SLC25A21: variants seen among roughly 807,000 people sequenced by gnomAD.
SLC25A21 encodes the protein solute carrier family 25 member 21.
SLC25A21 carries 47 observed loss-of-function variants against 43.8 expected under a neutral mutation model. The observed-to-expected ratio is 1.07, with a 90% CI of 0.85 to 1.37. SLC25A21 has a LOEUF of 1.37. Ranked by LOEUF, SLC25A21 falls within the 40% of genes most tolerant of loss-of-function variation. SLC25A21 has a pLI of 0.00. For synonymous variants in SLC25A21, 131 were observed against 121.3 expected (o/e 1.08, Z -0.52); for missense variants, 352 against 350.2 (o/e 1.00, Z -0.04).
intron 1 of SLC25A21, among the ~76,000 whole-genome samples, chr14:36,922,971 C>T (rs902135222): frequency 4.6e-5 from 7 of 152,028 alleles, no homozygotes; most frequent in East Asian, 1.9e-4. Flanking sequence ...GAAAGCACGA[C>T]GCAGACCCAG....
At chr14:36,924,249 C>A (rs1259846323) in intron 1 of SLC25A21, among the ~76,000 whole-genome samples, 3 of 152,054 alleles carry the variant, frequency 2.0e-5, no homozygotes, top group Non-Finnish European at 4.4e-5. Flanking sequence ...CAGCACTATT[C>A]ACAATAGCAA....
intron 1 of SLC25A21, among the ~76,000 whole-genome samples, chr14:37,069,685 AC>A (rs1380870718): frequency 3.9e-5 from 6 of 152,252 alleles, no homozygotes; most frequent in Non-Finnish European, 8.8e-5. Flanking sequence ...AAAAATTACT[AC>A]AAAAATATTT....
chr14:36,852,224 T>A (rs1889762740), intron 2 of SLC25A21, among the ~76,000 whole-genome samples: 1 of 152,134 alleles, frequency 6.6e-6, no homozygotes, highest in Non-Finnish European at 1.5e-5. Context: ...ACCACCTACC[T>A]ACACAGAGAA....
At chr14:36,824,932 T>G (rs963824252) in intron 2 of SLC25A21, among the ~76,000 whole-genome samples, 1 of 152,032 alleles carries the variant, frequency 6.6e-6, no homozygotes, top group Non-Finnish European at 1.5e-5. Flanking sequence ...GAGAGAGATC[T>G]TCCCTTAGGG....
chr14:36,966,262 T>C (rs1021568089), intron 1 of SLC25A21, among the ~76,000 whole-genome samples: 1 of 152,252 alleles, frequency 6.6e-6, no homozygotes, highest in East Asian at 1.9e-4. Context: ...CCTAAAAAGG[T>C]GTGTTGTGGG....
chr14:36,807,719 T>C (rs966777219), intron 3 of SLC25A21, among the ~76,000 whole-genome samples: 1 of 152,074 alleles, frequency 6.6e-6, no homozygotes, highest in African/African-American at 2.4e-5. Context: ...CACCTTGGAG[T>C]CCACTGATAA....
intron 1 of SLC25A21, among the ~76,000 whole-genome samples, chr14:37,164,847 T>G (rs1281549682): frequency 6.6e-6 from 1 of 152,172 alleles, no homozygotes; most frequent in East Asian, 1.9e-4. Flanking sequence ...AAAAGCCTAT[T>G]CATTAATTCC....
chr14:37,172,275 C>T lies in SLC25A21; in HGVS notation c.70+6G>A, dbSNP rs1964146345. On this transcript the variant is annotated splice_donor_region_variant and intron_variant, in intron 1 of 9. Coordinates refer to ENST00000331299, the MANE Select transcript of SLC25A21 (RefSeq NM_030631.4). Reference sequence around the variant, plus strand: ...CCTCCGGCGGGGCAGGGCGGGCTGTCCTTACCTGCAGAACCACCGGCCACG... The same window carrying T: ...CCTCCGGCGGGGCAGGGCGGGCTGTTCTTACCTGCAGAACCACCGGCCACG... 6.3e-7 allele frequency: 1 copy of T among 1,591,820 alleles called. No individual in the cohort carries two copies. Among genetic ancestry groups the T allele is most frequent in the South Asian group, 1.1e-5 (1 of 87,498 alleles).
intron 1 of SLC25A21, among the ~76,000 whole-genome samples, chr14:37,027,218 G>A (rs1594758271): frequency 6.6e-6 from 1 of 151,584 alleles, no homozygotes; most frequent in East Asian, 1.9e-4. Flanking sequence ...GCATGTCAGA[G>A]ACTTCTAGGG....
chr14:36,898,252 C>G (rs962871635), intron 1 of SLC25A21, among the ~76,000 whole-genome samples: 2 of 152,346 alleles, frequency 1.3e-5, no homozygotes, highest in South Asian at 4.1e-4. Flanking sequence ...CCTCCCCCAG[C>G]CTCGCTGCCA....
At chr14:37,034,658 C>T (rs994259743) in intron 1 of SLC25A21, among the ~76,000 whole-genome samples, 2 of 152,184 alleles carry the variant, frequency 1.3e-5, no homozygotes, top group Admixed American at 1.3e-4. Context: ...CCGCGTGCAT[C>T]CACCAACTCA....
intron 1 of SLC25A21, among the ~76,000 whole-genome samples, chr14:36,998,502 G>A (rs1960420255): frequency 6.6e-6 from 1 of 152,070 alleles, no homozygotes; most frequent in African/African-American, 2.4e-5. Context: ...GAAAGGGGCT[G>A]GTGCCACTAA....
intron 6 of SLC25A21, among the ~76,000 whole-genome samples, chr14:36,719,556 G>A (rs1884292404): frequency 6.6e-6 from 1 of 152,170 alleles, no homozygotes; most frequent in Non-Finnish European, 1.5e-5. Flanking sequence ...TTAAATTACA[G>A]ACTGGTTTTC....
At chr14:37,158,677 T>G (rs1283016034) in intron 1 of SLC25A21, among the ~76,000 whole-genome samples, 1 of 152,088 alleles carries the variant, frequency 6.6e-6, no homozygotes, top group Non-Finnish European at 1.5e-5. Context: ...GAACACTGGT[T>G]CTGGATGCCC....
intron 3 of SLC25A21, among the ~76,000 whole-genome samples, chr14:36,791,358 C>T (rs770032765): frequency 2.0e-5 from 3 of 152,110 alleles, no homozygotes; most frequent in Non-Finnish European, 2.9e-5. Context: ...AACAAAAACA[C>T]CCTACCTGCT....
intron 1 of SLC25A21, among the ~76,000 whole-genome samples, chr14:36,886,320 C>A (rs1890910842): frequency 3.3e-5 from 5 of 152,150 alleles, no homozygotes; most frequent in Admixed American, 1.3e-4. Flanking sequence ...GCCAAATAGG[C>A]AACGTGATTT....
intron 3 of SLC25A21, among the ~76,000 whole-genome samples, chr14:36,808,477 G>A (rs761717434): frequency 3.3e-5 from 5 of 152,212 alleles, no homozygotes; most frequent in African/African-American, 7.2e-5. Flanking sequence ...GCTTTAAGTC[G>A]CTGTGTGATT....
At chr14:36,985,434 T>C (rs1245371970) in intron 1 of SLC25A21, among the ~76,000 whole-genome samples, 1 of 152,154 alleles carries the variant, frequency 6.6e-6, no homozygotes, top group African/African-American at 2.4e-5. Context: ...AAGAATCCAA[T>C]CTGAGCTCAC....
intron 1 of SLC25A21, among the ~76,000 whole-genome samples, chr14:37,121,363 C>T (rs549658970): frequency 9.9e-5 from 15 of 152,168 alleles, no homozygotes; most frequent in Non-Finnish European, 1.0e-4. Flanking sequence ...ATCTCACTGA[C>T]CTATTGAGTG....
Sources: gnomAD v4.1 joint callset for allele counts (sites outside exome capture counted in the v4.1 genomes callset) on GRCh38, gnomAD v4.1.1 for gene constraint, MANE v1.5 for transcripts, NCBI Gene and HGNC (gene_info 2026-07-23, HGNC 2026-07-21) for gene names.